Variants in ABCA10 observed in about 807,000 individuals in gnomAD.
ABCA10 encodes the protein ATP-binding cassette sub-family A member 10.
A neutral mutation model predicts 187.5 loss-of-function variants in ABCA10; 169 were observed. That is an observed-to-expected ratio of 0.90 (90% CI 0.80 to 1.02). The LOEUF (loss-of-function observed/expected upper bound fraction) is 1.02, where lower values mean the gene tolerates loss of function less well. Ranked by LOEUF, ABCA10 falls within the 50% of genes least tolerant of loss-of-function variation. ABCA10 has a pLI of 0.00. For missense variants in ABCA10, 1,727 were observed against 1,812.4 expected, an observed-to-expected ratio of 0.95 and a Z score of 0.86; for synonymous variants, 574 against 601.8, an observed-to-expected ratio of 0.95 and a Z score of 0.68.
intron 25 of ABCA10, among the ~76,000 whole-genome samples, chr17:69,171,934 CAA>C (rs555588771): frequency 4.2e-4 from 34 of 80,236 alleles, no homozygotes; most frequent in Admixed American, 1.0e-3. Context: ...TTTGGGAAGC[CAA>C]AAAAAAAAAA....
intron 9 of ABCA10, among the ~76,000 whole-genome samples, chr17:69,210,978 A>C (rs2074643574): frequency 6.6e-6 from 1 of 151,262 alleles, no homozygotes; most frequent in African/African-American, 2.4e-5. Context: ...TCAAAAAAGA[A>C]TAGATGTTGG....
At chr17:69,176,801 C>T (rs2074338443) in intron 22 of ABCA10, among the ~76,000 whole-genome samples, 1 of 152,080 alleles carries the variant, frequency 6.6e-6, no homozygotes, top group African/African-American at 2.4e-5. Flanking sequence ...CTAGAATTTT[C>T]TATTTAATAT....
In ABCA10 at chr17:69,154,021, A is replaced by G; in HGVS notation, c.3787-12T>C. ...CCTTGTAACACCACCTGCACAAGAC[A>G]ATGAATGTCAGATTCACCTTTGGTT... On this transcript the variant is annotated splice_polypyrimidine_tract_variant and intron_variant, in intron 31 of 38. Coordinates refer to ENST00000690296, the MANE Select transcript of ABCA10 (RefSeq NM_001377321.1). 1 of 1,609,352 alleles carries G rather than the reference A, an allele frequency of 6.2e-7. No individual in the cohort carries two copies. Among genetic ancestry groups the G allele is most frequent in the African/African-American group, 1.3e-5 (1 of 74,920 alleles).
intron 18 of ABCA10, 34 bp from the exon 19 acceptor site, chr17:69,187,913 A>T (rs1190583276): frequency 1.9e-6 from 3 of 1,585,560 alleles, no homozygotes; most frequent in Non-Finnish European, 2.6e-6. Context: ...TTAATAGGCT[A>T]TGTTATCTGA....
chr17:69,160,627 A>C (rs948628074), intron 27 of ABCA10, among the ~76,000 whole-genome samples: 10 of 152,106 alleles, frequency 6.6e-5, no homozygotes, highest in South Asian at 4.1e-4. Flanking sequence ...AAACAAAAAA[A>C]CCAAATAACT....
intron 5 of ABCA10, among the ~76,000 whole-genome samples, chr17:69,221,016 G>A (rs1049207480): frequency 2.6e-5 from 4 of 152,066 alleles, no homozygotes; most frequent in South Asian, 4.1e-4. Context: ...TGAGAAGTAC[G>A]GGAATAAATG....
chr17:69,205,318 T>G (rs371786168), intron 9 of ABCA10, among the ~76,000 whole-genome samples: 1 of 152,182 alleles, frequency 6.6e-6, no homozygotes, highest in Non-Finnish European at 1.5e-5. Flanking sequence ...AGCCTCTAGA[T>G]GGAAAAACAC....
intron 25 of ABCA10, among the ~76,000 whole-genome samples, chr17:69,170,016 G>T (rs973676361): frequency 1.3e-5 from 2 of 152,042 alleles, no homozygotes; most frequent in Non-Finnish European, 2.9e-5. Context: ...GGCCGGGCAC[G>T]GTGGTTCAAT....
At chr17:69,212,075 C>G (rs766438766) in intron 9 of ABCA10, among the ~76,000 whole-genome samples, 1 of 152,024 alleles carries the variant, frequency 6.6e-6, no homozygotes, top group Non-Finnish European at 1.5e-5. Flanking sequence ...CTTAGATTGT[C>G]TATTTGTGCT....
At chr17:69,237,531 C>T (rs957336776) in intron 1 of ABCA10, among the ~76,000 whole-genome samples, 8 of 152,166 alleles carry the variant, frequency 5.3e-5, no homozygotes, top group Admixed American at 1.3e-4. Context: ...CTCCCACTTG[C>T]ATCTTTAGGT....
intron 27 of ABCA10, among the ~76,000 whole-genome samples, chr17:69,162,384 G>C (rs1457761145): frequency 1.3e-5 from 2 of 152,190 alleles, no homozygotes; most frequent in Non-Finnish European, 2.9e-5. Context: ...GATGCTCAGG[G>C]CATTTTGTTT....
intron 34 of ABCA10, among the ~76,000 whole-genome samples, chr17:69,152,750 G>A (rs775519019): frequency 3.9e-5 from 6 of 151,906 alleles, no homozygotes; most frequent in Admixed American, 2.6e-4. Flanking sequence ...TTGCACCACC[G>A]CATTCCAGCC....
chr17:69,207,479 A>T (rs2074600290), intron 9 of ABCA10, among the ~76,000 whole-genome samples: 2 of 152,230 alleles, frequency 1.3e-5, no homozygotes. Flanking sequence ...CAAGATATGA[A>T]AACAACAAAC....
At position 69,201,605 on chromosome 17, in the gene ABCA10, T is replaced by C. The variant is rs150955739; in HGVS notation, c.1070A>G (p.Gln357Arg). 8 of 1,612,700 alleles carry C rather than the reference T, an allele frequency of 5.0e-6. No individual in the cohort carries two copies. The Admixed American group carries it at 1.2e-4, about 24-fold the overall frequency. The change falls in exon 10 of 39, where the codon CAA (glutamine) becomes CGA (arginine). Residue 357 changes from glutamine (Q) to arginine (R), a missense_variant. By Grantham distance (43) the Gln-to-Arg change is conservative (BLOSUM62 1). Transcript: ENST00000690296. The part of the protein sequence containing the change: ...FLKSSFWSKH[Q>R]NTHHEIFENE... ...CTCAAAGATTTCATGATGAGTATTTTGATGTTTGGACCAAAATGAGGACTT... is the reference window on the plus strand; with the variant it reads ...CTCAAAGATTTCATGATGAGTATTTCGATGTTTGGACCAAAATGAGGACTT...
intron 15 of ABCA10, 65 bp from the exon 16 acceptor site, chr17:69,192,718 C>T: frequency 7.5e-7 from 1 of 1,336,074 alleles, no homozygotes; most frequent in Admixed American, 1.8e-5. Flanking sequence ...ATATTCTCTA[C>T]TTTGGATACT....
Position 69,153,993 on chromosome 17 carries a change from C to T in ABCA10, c.3803G>A (p.Ser1268Asn). 1.2e-6 allele frequency: 2 copies of T among 1,613,708 alleles called. No individual in the cohort carries two copies. The highest frequency in any genetic ancestry group is 1.7e-6 in the Non-Finnish European group (2 of 1,179,782). ...PTAGVVVLQG[S>N]RASVRQQHDN... Reference sequence around the variant, plus strand: ...ATGCTGTTGCCTTACTGATGCTCTGCTGCCTTGTAACACCACCTGCACAAG... The same window carrying T: ...ATGCTGTTGCCTTACTGATGCTCTGTTGCCTTGTAACACCACCTGCACAAG... Residue 1268 changes from serine (S) to asparagine (N), a missense_variant, in exon 32 of 39, where the codon AGC (serine) becomes AAC (asparagine). Transcript: ENST00000690296.
chr17:69,182,629 A>C, intron 21 of ABCA10, 46 bp downstream of exon 21: 1 of 1,530,302 alleles, frequency 6.5e-7, no homozygotes, highest in Non-Finnish European at 8.7e-7. Context: ...GTGGCAAAAA[A>C]AACAAAAAAA....
intron 22 of ABCA10, chr17:69,175,883 T>TG: frequency 6.4e-6 from 1 of 157,172 alleles, no homozygotes; most frequent in South Asian, 1.9e-4. Flanking sequence ...ACATATACAG[T>TG]GTGGACACAC....
intron 36 of ABCA10, among the ~76,000 whole-genome samples, chr17:69,151,157 A>C (rs1270269209): frequency 6.6e-6 from 1 of 152,116 alleles, no homozygotes; most frequent in East Asian, 1.9e-4. Context: ...ATCTCTTTAC[A>C]CATCAACTAC....
Sources: gnomAD v4.1 joint callset for allele counts (sites outside exome capture counted in the v4.1 genomes callset) on GRCh38, gnomAD v4.1.1 for gene constraint, MANE v1.5 for transcripts, NCBI Gene and HGNC (gene_info 2026-07-23, HGNC 2026-07-21) for gene names.